HDAC9: variants seen among roughly 807,000 people sequenced by gnomAD.
HDAC9 encodes the protein histone deacetylase 9, also known as MEF-2 interacting transcription repressor (MITR) protein.
Under a neutral mutation model 139.4 loss-of-function variants are expected in HDAC9, and 41 were observed. The ratio of observed to expected loss-of-function variants is 0.29; its 90% CI spans 0.23 to 0.38. The LOEUF is 0.38. HDAC9 is among the 10% of genes least tolerant of loss of function. HDAC9 has a pLI of 1.00. For synonymous variants in HDAC9, 517 were observed against 476.2 expected (o/e 1.09, Z -1.12); for missense variants, 1,147 against 1,297.0 (o/e 0.88, Z 1.78).
In HDAC9 at chr7:18,585,251, C is replaced by A. The variant is rs762414004; in HGVS notation, c.23-30C>A. 2.6e-5 allele frequency: 41 copies of A among 1,606,250 alleles called. No homozygotes were observed. The South Asian group carries it at 4.3e-4, about 17-fold the overall frequency. ...TCCAATCTTCTATTACCCTCCCCCA[C>A]CCCATTTCCCTTTTTTTCTGGTTCT... On this transcript the variant is annotated intron_variant, in intron 2 of 25. Coordinates refer to ENST00000686413, the MANE Select transcript of HDAC9 (RefSeq NM_178425.4).
rs1166237241 is a variant in HDAC9, at chr7:18,478,265, G to T, written c.-41-17997G>T. On this transcript the variant is annotated intron_variant, in intron 1 of 3. Transcript: ENST00000413509. The stretch of plus-strand genomic sequence containing the variant: ...ATTTTGTATTTTTAGTAGAGATGGG[G>T]TTTCACCGTGTTAGCCAGGATGGTC... Among the ~76,000 whole-genome samples, 4 of 152,192 alleles carry T rather than the reference G, an allele frequency of 2.6e-5. No individual in the cohort carries two copies. The South Asian group carries it at 8.3e-4, about 32-fold the overall frequency.
intron 12 of HDAC9, among the ~76,000 whole-genome samples, chr7:18,725,063 T>G (rs1258074076): frequency 6.6e-6 from 1 of 152,116 alleles, no homozygotes; most frequent in South Asian, 2.1e-4. Context: ...AAAGGATGGC[T>G]TGGAAGAAGC....
intron 16 of HDAC9, among the ~76,000 whole-genome samples, chr7:18,768,263 T>C (rs1426932292): frequency 6.6e-6 from 1 of 152,200 alleles, no homozygotes; most frequent in Non-Finnish European, 1.5e-5. Context: ...GATAAAAAGC[T>C]GAAAGTATGG....
At chr7:18,316,224 G>C (rs1469997242) in intron 1 of HDAC9, among the ~76,000 whole-genome samples, 1 of 152,060 alleles carries the variant, frequency 6.6e-6, no homozygotes, top group Non-Finnish European at 1.5e-5. Context: ...GCTGGTTCAA[G>C]GGCCACACTT....
At chr7:18,482,367 G>C in intron 1 of HDAC9, among the ~76,000 whole-genome samples, 1 of 41,746 alleles carries the variant, frequency 2.4e-5, no homozygotes, top group Non-Finnish European at 4.0e-5. Context: ...AACATAGTAA[G>C]ACCTGGACTC....
chr7:18,623,587 G>C (rs1840815167), intron 6 of HDAC9, among the ~76,000 whole-genome samples: 2 of 152,258 alleles, frequency 1.3e-5, no homozygotes, highest in Admixed American at 6.5e-5. Flanking sequence ...TTCTTTTGTA[G>C]ATGATAAAAT....
At chr7:18,098,116 A>G (rs1349918091) in intron 1 of HDAC9, among the ~76,000 whole-genome samples, 5 of 152,250 alleles carry the variant, frequency 3.3e-5, no homozygotes, top group Admixed American at 6.5e-5. Flanking sequence ...CAGTCCTTAC[A>G]TAAGATGTAA....
chr7:18,917,498 G>A (rs1300190739), intron 22 of HDAC9, among the ~76,000 whole-genome samples: 1 of 151,980 alleles, frequency 6.6e-6, no homozygotes, highest in African/African-American at 2.4e-5. Context: ...AAAATGTCTA[G>A]TGATCAGAGC....
chr7:18,493,860 G>A (rs1039637525), upstream of HDAC9, among the ~76,000 whole-genome samples: 1 of 151,898 alleles, frequency 6.6e-6, no homozygotes, highest in Non-Finnish European at 1.5e-5. Context: ...TGGTTCCACG[G>A]AGAACCTTTT....
upstream of HDAC9, among the ~76,000 whole-genome samples, chr7:18,287,023 C>T (rs922080259): frequency 6.6e-6 from 1 of 152,122 alleles, no homozygotes; most frequent in African/African-American, 2.4e-5. Flanking sequence ...TTCTGATTTG[C>T]AGACAGTTTA....
At chr7:18,995,585 T>TGAAA (rs1463137102) in intron 25 of HDAC9, among the ~76,000 whole-genome samples, 2 of 152,184 alleles carry the variant, frequency 1.3e-5, no homozygotes, top group African/African-American at 4.8e-5. Context: ...AATCCAGTTA[T>TGAAA]GAAAGAACAG....
intron 2 of HDAC9, among the ~76,000 whole-genome samples, chr7:18,231,908 C>G (rs1294792474): frequency 6.6e-6 from 1 of 152,016 alleles, no homozygotes; most frequent in East Asian, 1.9e-4. Flanking sequence ...ATTGTTAAAA[C>G]TGATGAAAAC....
At chr7:18,375,059 A>C (rs1365792087) in intron 1 of HDAC9, among the ~76,000 whole-genome samples, 1 of 152,242 alleles carries the variant, frequency 6.6e-6, no homozygotes, top group African/African-American at 2.4e-5. Flanking sequence ...ACTATTAATC[A>C]TTATTTTAAA....
chr7:18,217,594 T>C (rs1044241497), intron 2 of HDAC9, among the ~76,000 whole-genome samples: 1 of 152,196 alleles, frequency 6.6e-6, no homozygotes, highest in Non-Finnish European at 1.5e-5. Flanking sequence ...CCAACTAACA[T>C]AGGTGTGCTA....
chr7:18,963,343 GA>G (rs1783646790), intron 24 of HDAC9, among the ~76,000 whole-genome samples: 1 of 152,160 alleles, frequency 6.6e-6, no homozygotes, highest in South Asian at 2.1e-4. Flanking sequence ...GGTTCAGGAG[GA>G]AGCCAGTAAA....
chr7:18,183,936 G>A (rs1389010971), intron 2 of HDAC9, among the ~76,000 whole-genome samples: 1 of 152,122 alleles, frequency 6.6e-6, no homozygotes, highest in Admixed American at 6.6e-5. Context: ...TGCATAAAAA[G>A]TCACTATTAA....
chr7:18,289,148 A>G (rs1474857419), upstream of HDAC9, among the ~76,000 whole-genome samples: 1 of 152,200 alleles, frequency 6.6e-6, no homozygotes, highest in Non-Finnish European at 1.5e-5. Context: ...ACTCAGACCA[A>G]ATATAAAAAT....
intron 22 of HDAC9, among the ~76,000 whole-genome samples, chr7:18,920,526 C>G (rs963734486): frequency 6.6e-6 from 1 of 152,122 alleles, no homozygotes; most frequent in African/African-American, 2.4e-5. Flanking sequence ...ACTTCCAACA[C>G]TATGTTGAGT....
At chr7:18,529,441 C>T (rs902241072) in intron 2 of HDAC9, among the ~76,000 whole-genome samples, 3 of 152,190 alleles carry the variant, frequency 2.0e-5, no homozygotes, top group African/African-American at 7.2e-5. Context: ...GTTAAGTTTT[C>T]ATCCAACACT....
Sources: gnomAD v4.1 joint callset for allele counts (sites outside exome capture counted in the v4.1 genomes callset) on GRCh38, gnomAD v4.1.1 for gene constraint, MANE v1.5 for transcripts, NCBI Gene and HGNC (gene_info 2026-07-23, HGNC 2026-07-21) for gene names.